SLC24A2: variants seen among roughly 807,000 people sequenced by gnomAD.
SLC24A2 encodes the protein sodium/potassium/calcium exchanger 2.
In SLC24A2, 36 loss-of-function variants were observed where a neutral mutation model predicts 62.0. The observed-to-expected ratio is 0.58, with a 90% CI of 0.44 to 0.77. The LOEUF (loss-of-function observed/expected upper bound fraction) is 0.77. Among genes scored for constraint, SLC24A2 ranks in the 30% least tolerant of loss-of-function variants. The pLI, the probability that SLC24A2 is intolerant of heterozygous loss-of-function variation, is 0.00. For missense variants in SLC24A2, 846 were observed against 817.9 expected (o/e 1.03, Z -0.42); for synonymous variants, 358 against 294.0 (o/e 1.22, Z -2.23).
the SLC24A2 span, among the ~76,000 whole-genome samples, chr9:20,258,265 C>G: frequency 1.7e-3 from 259 of 152,336 alleles, no homozygotes; most frequent in African/African-American, 6.0e-3. Flanking sequence ...GCTGGTAAAG[C>G]ATTAATTATT....
chr9:19,984,052 A>G, the SLC24A2 span, among the ~76,000 whole-genome samples: 1 of 152,198 alleles, frequency 6.6e-6, no homozygotes, highest in Admixed American at 6.5e-5. Flanking sequence ...TGAAAATATC[A>G]TAAGTCAAAA....
the SLC24A2 span, among the ~76,000 whole-genome samples, chr9:20,270,314 C>T: frequency 2.6e-5 from 4 of 152,076 alleles, no homozygotes; most frequent in Admixed American, 2.6e-4. Context: ...ATATCTCACA[C>T]ATAAAGGAGA....
At chr9:20,119,816 T>C in the SLC24A2 span, among the ~76,000 whole-genome samples, 1 of 152,220 alleles carries the variant, frequency 6.6e-6, no homozygotes, top group Non-Finnish European at 1.5e-5. Flanking sequence ...AGTAAAACTG[T>C]GTTTATTCAG....
At chr9:20,249,038 C>A in the SLC24A2 span, among the ~76,000 whole-genome samples, 2 of 152,140 alleles carry the variant, frequency 1.3e-5, no homozygotes, top group Admixed American at 1.3e-4. Context: ...ATTCTCAAGA[C>A]AAAGACGATG....
At chr9:20,218,387 C>T in the SLC24A2 span, among the ~76,000 whole-genome samples, 7 of 152,232 alleles carry the variant, frequency 4.6e-5, 1 homozygote, top group African/African-American at 1.4e-4. Context: ...TCTAGTGCTC[C>T]ATCCAACCAG....
At chr9:19,731,149 C>A (rs1821322211) in intron 2 of SLC24A2, among the ~76,000 whole-genome samples, 1 of 152,042 alleles carries the variant, frequency 6.6e-6, no homozygotes, top group South Asian at 2.1e-4. Flanking sequence ...TATCAAGCCC[C>A]AAATAAACTT....
the SLC24A2 span, among the ~76,000 whole-genome samples, chr9:20,131,916 G>A: frequency 2.6e-5 from 4 of 152,138 alleles, no homozygotes; most frequent in Non-Finnish European, 5.9e-5. Flanking sequence ...TTGTGACTGT[G>A]CTTTGGGAAT....
chr9:20,040,812 GC>G, the SLC24A2 span, among the ~76,000 whole-genome samples: 40 of 152,326 alleles, frequency 2.6e-4, 1 homozygote, highest in East Asian at 6.6e-3. Flanking sequence ...TACACAAGCT[GC>G]TTTCCACATG....
chr9:19,899,087 C>T, the SLC24A2 span, among the ~76,000 whole-genome samples: 1 of 152,300 alleles, frequency 6.6e-6, no homozygotes, highest in South Asian at 2.1e-4. Context: ...CCAGAGTCCT[C>T]TGTATCAGCC....
rs912484553 is a variant in SLC24A2, at chr9:19,601,192, A to G, written c.1079-3913T>C. On this transcript the variant is annotated intron_variant, in intron 4 of 10. Transcript: ENST00000341998. ...AGTGCTCTGTAAAATTGCACCAATC[A>G]GTGCTCTGTAAAATTGCACCAATCA... 3.3e-5 allele frequency among the ~76,000 whole-genome samples: 5 copies of G among 152,180 alleles called. No homozygotes were observed. The South Asian group carries it at 6.2e-4, about 19-fold the overall frequency.
chr9:19,648,851 C>T (rs1033127541), intron 2 of SLC24A2, among the ~76,000 whole-genome samples: 8 of 151,968 alleles, frequency 5.3e-5, no homozygotes, highest in South Asian at 2.1e-4. Flanking sequence ...AGACCACCCA[C>T]GTGTGTTGGC....
chr9:19,835,124 C>A, the SLC24A2 span, among the ~76,000 whole-genome samples: 4 of 152,106 alleles, frequency 2.6e-5, no homozygotes, highest in Non-Finnish European at 5.9e-5. Context: ...CAAAAACATG[C>A]CAAATTGTAA....
chr9:20,173,577 T>C, the SLC24A2 span, among the ~76,000 whole-genome samples: 2 of 151,800 alleles, frequency 1.3e-5, no homozygotes, highest in African/African-American at 4.8e-5. Context: ...CAACCCCTTT[T>C]ATAGTAGCTG....
At chr9:20,211,514 A>G in the SLC24A2 span, among the ~76,000 whole-genome samples, 1 of 152,208 alleles carries the variant, frequency 6.6e-6, no homozygotes, top group Non-Finnish European at 1.5e-5. Flanking sequence ...CTCCATCTCA[A>G]AAAAGAATAA....
rs1017708927 is a variant in SLC24A2 at position 19,509,057 on chromosome 9, T to G, written c.*7096A>C. 2.6e-5 allele frequency: 4 copies of G among 152,154 alleles called. No homozygotes were observed. The highest frequency in any genetic ancestry group is 2.6e-4 in the Admixed American group (4 of 15,270). 9.4% of individuals were successfully genotyped at this position (152,154 alleles called of 1,614,324 possible). A position where few individuals can be genotyped will look rare whatever the true frequency, so the allele number is the denominator to read the frequency against. ...TATTTCCCATTTTTATAAGGGAACT[T>G]CTTAGACCCATCCTATATTTATATA... On this transcript the variant is annotated 3_prime_UTR_variant, in exon 11 of 11. Coordinates refer to ENST00000341998, the MANE Select transcript of SLC24A2 (RefSeq NM_020344.4).
intron 1 of SLC24A2, 76 bp downstream of exon 1, chr9:19,788,809 A>G: frequency 1.0e-6 from 1 of 985,414 alleles, no homozygotes; most frequent in African/African-American, 1.7e-5. Flanking sequence ...CAGCAACGGG[A>G]TGCGCGCAAC....
At chr9:19,785,123 G>T (rs916650673) in intron 2 of SLC24A2, among the ~76,000 whole-genome samples, 1 of 152,148 alleles carries the variant, frequency 6.6e-6, no homozygotes, top group African/African-American at 2.4e-5. Context: ...CGATTGTATT[G>T]ATGCCATTTG....
chr9:19,823,786 A>C, the SLC24A2 span, among the ~76,000 whole-genome samples: 1 of 152,222 alleles, frequency 6.6e-6, no homozygotes, highest in Non-Finnish European at 1.5e-5. Context: ...ACAAGGCTAC[A>C]GTAACCAAAA....
the SLC24A2 span, among the ~76,000 whole-genome samples, chr9:20,154,567 T>C: frequency 6.6e-6 from 1 of 151,710 alleles, no homozygotes; most frequent in African/African-American, 2.4e-5. Context: ...CGTGTGACTC[T>C]ATAGGTATCA....
Sources: gnomAD v4.1 joint callset for allele counts (sites outside exome capture counted in the v4.1 genomes callset) on GRCh38, gnomAD v4.1.1 for gene constraint, MANE v1.5 for transcripts, NCBI Gene and HGNC (gene_info 2026-07-23, HGNC 2026-07-21) for gene names.